KIFAP3: variants seen among roughly 807,000 people sequenced by gnomAD.
KIFAP3 encodes kinesin-associated protein 3.
Under a neutral mutation model 106.5 loss-of-function variants are expected in KIFAP3, and 68 were observed. The observed-to-expected ratio is 0.64, with a 90% CI of 0.53 to 0.78. The LOEUF (loss-of-function observed/expected upper bound fraction) is 0.78. Ranked by LOEUF, KIFAP3 falls within the 30% of genes least tolerant of loss-of-function variation. KIFAP3 has a pLI of 0.00. For missense variants in KIFAP3, 780 were observed against 941.8 expected (o/e 0.83, Z 2.25); for synonymous variants, 320 against 311.5 (o/e 1.03, Z -0.29).
In KIFAP3 at chr1:170,074,564, G is replaced by A. The variant is rs1671849706; in HGVS notation, c.-97C>T. 3.8e-6 allele frequency: 6 copies of A among 1,592,138 alleles called. No individual in the cohort carries two copies. Among genetic ancestry groups the A allele is most frequent in the Non-Finnish European group, 8.5e-7 (1 of 1,169,660 alleles). ...GGCCAAAGTACCCTCACACCCAGAGGCGATGACAGTCCTGAGGCCTGCAAG... is the reference window on the plus strand; with the variant it reads ...GGCCAAAGTACCCTCACACCCAGAGACGATGACAGTCCTGAGGCCTGCAAG... On this transcript the variant is annotated 5_prime_UTR_variant, in exon 1 of 20. Coordinates refer to ENST00000361580, the MANE Select transcript of KIFAP3 (RefSeq NM_014970.4).
rs115613623 is a variant in KIFAP3 at position 169,985,813 on chromosome 1, A to G, written c.1285-1123T>C. Among the ~76,000 whole-genome samples the G allele has an allele frequency of 9.0e-4, 137 of 152,080 alleles. 1 individual carries two copies. Among genetic ancestry groups the G allele is most frequent in the Non-Finnish European group, 1.5e-3 (101 of 67,868 alleles). Reference sequence around the variant, plus strand: ...AAAGAGGGTCTGAAAAACAACAGACAAAAAGGTAAGAAGGAAAAGGTAGGC... The same window carrying G: ...AAAGAGGGTCTGAAAAACAACAGACGAAAAGGTAAGAAGGAAAAGGTAGGC... On this transcript the variant is annotated intron_variant, in intron 11 of 19. Coordinates refer to ENST00000361580, the MANE Select transcript of KIFAP3 (RefSeq NM_014970.4).
chr1:170,000,718 G>A (rs1165167047), intron 10 of KIFAP3, among the ~76,000 whole-genome samples: 2 of 152,034 alleles, frequency 1.3e-5, no homozygotes, highest in Non-Finnish European at 2.9e-5. Context: ...ACTTGAATTT[G>A]CACAGACCAA....
At chr1:170,017,456 A>AT (rs1278132594) in intron 9 of KIFAP3, among the ~76,000 whole-genome samples, 2 of 152,120 alleles carry the variant, frequency 1.3e-5, no homozygotes, top group African/African-American at 4.8e-5. Flanking sequence ...CAGAAAGGCA[A>AT]TGGCAATACA....
At chr1:170,082,368 A>G (rs1476802847) in intron 1 of KIFAP3, among the ~76,000 whole-genome samples, 1 of 152,206 alleles carries the variant, frequency 6.6e-6, no homozygotes, top group Non-Finnish European at 1.5e-5. Flanking sequence ...ATAGAAAAAA[A>G]GCACACCCCG....
chr1:169,930,699 C>T (rs1663414339), intron 19 of KIFAP3, among the ~76,000 whole-genome samples: 1 of 152,152 alleles, frequency 6.6e-6, no homozygotes, highest in African/African-American at 2.4e-5. Flanking sequence ...AATTCAGTTC[C>T]ATCTTCCTTT....
At chr1:170,014,903 G>A (rs1668429554) in intron 10 of KIFAP3, among the ~76,000 whole-genome samples, 1 of 152,094 alleles carries the variant, frequency 6.6e-6, no homozygotes, top group Non-Finnish European at 1.5e-5. Flanking sequence ...AAAACTCTAA[G>A]TTGAATATAG....
chr1:170,056,708 G>C (rs1670870994), intron 1 of KIFAP3, among the ~76,000 whole-genome samples: 1 of 151,988 alleles, frequency 6.6e-6, no homozygotes, highest in South Asian at 2.1e-4. Flanking sequence ...CTGTCCACCA[G>C]AATTCCATAT....
At position 170,074,657 on chromosome 1, in the gene KIFAP3, C is replaced by T; in HGVS notation, c.-190G>A. 1 of 1,456,658 alleles carries T rather than the reference C, an allele frequency of 6.9e-7. No homozygotes were observed. The highest frequency in any genetic ancestry group is 9.1e-7 in the Non-Finnish European group (1 of 1,103,704). 90.2% of individuals were successfully genotyped at this position (1,456,658 alleles called of 1,614,324 possible). On this transcript the variant is annotated 5_prime_UTR_variant, in exon 1 of 20. Coordinates refer to ENST00000361580, the MANE Select transcript of KIFAP3 (RefSeq NM_014970.4). ...AGCTCCTCCCACAGCTTCTGTGCCCCAAAACACTGGAGCGGCCCAGACCCG... is the reference window on the plus strand; with the variant it reads ...AGCTCCTCCCACAGCTTCTGTGCCCTAAAACACTGGAGCGGCCCAGACCCG...
chr1:170,023,076 T>C (rs1355762728), intron 9 of KIFAP3, among the ~76,000 whole-genome samples: 1 of 152,088 alleles, frequency 6.6e-6, no homozygotes, highest in African/African-American at 2.4e-5. Flanking sequence ...GTTTATATAC[T>C]ACCATCTTAT....
At chr1:169,970,389 G>A (rs554342984) in intron 17 of KIFAP3, among the ~76,000 whole-genome samples, 2 of 152,068 alleles carry the variant, frequency 1.3e-5, no homozygotes, top group East Asian at 3.9e-4. Context: ...GAGGGCTTGG[G>A]CCCAACTACA....
At position 170,046,791 on chromosome 1, in the gene KIFAP3, G is replaced by A. The variant is rs748748038; in HGVS notation, c.240C>T (p.Leu80=). 2 of 1,610,210 alleles carry A rather than the reference G, an allele frequency of 1.2e-6. No homozygotes were observed. The highest frequency in any genetic ancestry group is 1.7e-6 in the Non-Finnish European group (2 of 1,177,668). The change falls in exon 3 of 20, where the codon CTC becomes CTT. Residue 80 remains leucine (L), a synonymous_variant. Coordinates refer to ENST00000361580, the MANE Select transcript of KIFAP3 (RefSeq NM_014970.4). ...LARKVVEECK[L]IHPSKLNEVE... is the part of the protein sequence containing the mutation. ...CCTCATTTAGTTTTGAAGGATGAATGAGTTTACATTCTTCAACCACCTTCC... is the reference window on the plus strand; with the variant it reads ...CCTCATTTAGTTTTGAAGGATGAATAAGTTTACATTCTTCAACCACCTTCC...
At chr1:170,058,556 C>T (rs140256405) in intron 1 of KIFAP3, among the ~76,000 whole-genome samples, 44 of 152,272 alleles carry the variant, frequency 2.9e-4, no homozygotes, top group African/African-American at 1.0e-3. Context: ...ATGGGGAACT[C>T]TATTCACTGC....
intron 8 of KIFAP3, among the ~76,000 whole-genome samples, chr1:170,030,861 C>T (rs1253365908): frequency 6.6e-6 from 1 of 151,386 alleles, no homozygotes; most frequent in East Asian, 1.9e-4. Flanking sequence ...TGGATATGTA[C>T]CTTATCTTGA....
chr1:169,977,937 C>T lies in KIFAP3; in HGVS notation c.1897+148G>A, dbSNP rs1369765704. ...ATACTGATTTGGGGTCAACAGCTTC[C>T]ATGGAAAATAGGTTATCTTGTAAAT... On this transcript the variant is annotated intron_variant, in intron 16 of 19. Transcript: ENST00000361580. 1.8e-5 allele frequency: 11 copies of T among 623,876 alleles called. No homozygotes were observed. The East Asian group carries it at 3.1e-4, about 18-fold the overall frequency. 38.6% of individuals were successfully genotyped at this position (623,876 alleles called of 1,614,324 possible). A position where few individuals can be genotyped will look rare whatever the true frequency, so the allele number is the denominator to read the frequency against.
chr1:169,936,293 A>T (rs1030683533), intron 19 of KIFAP3, among the ~76,000 whole-genome samples: 6 of 151,794 alleles, frequency 4.0e-5, no homozygotes, highest in Non-Finnish European at 7.4e-5. Flanking sequence ...AGTCATAGAA[A>T]ATCAACATTT....
At chr1:169,998,006 T>G (rs1481774018) in intron 10 of KIFAP3, among the ~76,000 whole-genome samples, 1 of 151,140 alleles carries the variant, frequency 6.6e-6, no homozygotes, top group Non-Finnish European at 1.5e-5. Context: ...CATCATTCTC[T>G]CACTCTCATA....
intron 10 of KIFAP3, among the ~76,000 whole-genome samples, chr1:170,013,242 G>A (rs1668333250): frequency 6.6e-6 from 1 of 151,944 alleles, no homozygotes; most frequent in Admixed American, 6.6e-5. Context: ...ATAGAAACCT[G>A]AACGACCTAA....
intron 19 of KIFAP3, among the ~76,000 whole-genome samples, chr1:169,949,413 C>A (rs1449949394): frequency 6.6e-6 from 1 of 151,806 alleles, no homozygotes; most frequent in Non-Finnish European, 1.5e-5. Flanking sequence ...TTTTTCAAAG[C>A]CCCAAGGAAA....
At chr1:169,948,585 C>G (rs1664567308) in intron 19 of KIFAP3, among the ~76,000 whole-genome samples, 1 of 151,918 alleles carries the variant, frequency 6.6e-6, no homozygotes, top group Non-Finnish European at 1.5e-5. Flanking sequence ...AGGTTCTTTT[C>G]ACTTTTTTGA....
Sources: gnomAD v4.1 joint callset for allele counts (sites outside exome capture counted in the v4.1 genomes callset) on GRCh38, gnomAD v4.1.1 for gene constraint, MANE v1.5 for transcripts, NCBI Gene and HGNC (gene_info 2026-07-23, HGNC 2026-07-21) for gene names.